Variants in BTK observed in about 807,000 individuals in gnomAD.
BTK encodes the protein Bruton tyrosine kinase, also known as tyrosine-protein kinase BTK.
BTK carries 5 observed loss-of-function variants against 57.4 expected under a neutral mutation model. The ratio of observed to expected loss-of-function variants is 0.09; its 90% CI spans 0.05 to 0.18. The LOEUF is 0.18. BTK is among the 10% of genes least tolerant of loss of function. BTK has a pLI of 1.00. For synonymous variants in BTK, 154 were observed against 174.3 expected (o/e 0.88, Z 0.92); for missense variants, 194 against 501.2 (o/e 0.39, Z 5.85).
At chrX:101,367,517 T>C (rs1411408266) in intron 5 of BTK, among the ~76,000 whole-genome samples, 1 of 108,255 alleles carries the variant, frequency 9.2e-6, no homozygotes, top group African/African-American at 3.4e-5. Flanking sequence ...GCGCCTGTCA[T>C]CCCAACTACT....
chrX:101,363,887 CATTATTATT>C (rs72240121), intron 5 of BTK, among the ~76,000 whole-genome samples: 10,704 of 81,695 alleles, frequency 0.13, 830 homozygotes, highest in African/African-American at 0.27. Context: ...GAATCCCGCA[CATTATTATT>C]ATTATTATTA....
intron 1 of BTK, among the ~76,000 whole-genome samples, chrX:101,380,520 T>C (rs188284119): frequency 9.0e-6 from 1 of 111,574 alleles, no homozygotes; most frequent in Non-Finnish European, 1.9e-5. Context: ...AATTGTGCCA[T>C]ATTGCCTCAC....
intron 5 of BTK, 121 bp downstream of exon 5, chrX:101,369,877 C>T (rs191932399): frequency 4.4e-5 from 28 of 631,454 alleles, no homozygotes; most frequent in African/African-American, 4.4e-4. Context: ...TTTCTCTCTA[C>T]GTTTCTCCTT....
intron 1 of BTK, among the ~76,000 whole-genome samples, chrX:101,378,265 G>A (rs888620756): frequency 2.4e-4 from 26 of 110,564 alleles, no homozygotes; most frequent in Non-Finnish European, 4.2e-4. Flanking sequence ...TGTATTTTTA[G>A]TAGAGGTGGG....
intron 14 of BTK, 188 bp downstream of exon 14, chrX:101,356,596 C>T (rs184639772): frequency 7.5e-5 from 38 of 507,782 alleles, no homozygotes; most frequent in East Asian, 6.1e-4. Context: ...CACCACTATT[C>T]TCAACCAATA....
chrX:101,354,465 A>G (rs1926398257), intron 16 of BTK, among the ~76,000 whole-genome samples, 165 bp downstream of exon 16: 1 of 111,795 alleles, frequency 8.9e-6, no homozygotes, highest in Non-Finnish European at 1.9e-5. Flanking sequence ...AGGATGAAAG[A>G]GGTGGCTTAA....
intron 1 of BTK, among the ~76,000 whole-genome samples, chrX:101,381,417 A>G (rs902805789): frequency 2.1e-4 from 24 of 111,860 alleles, no homozygotes; most frequent in African/African-American, 7.8e-4. Context: ...ATGTGGTAGA[A>G]TTATCAACTA....
chrX:101,354,792 C>T (rs1353928334), intron 15 of BTK, 98 bp from the exon 16 acceptor site: 1 of 839,997 alleles, frequency 1.2e-6, no homozygotes, highest in South Asian at 2.0e-5. Context: ...AGGGAAGCTT[C>T]ATCTCCTTCG....
At chrX:101,382,129 C>T (rs890630861) in intron 1 of BTK, among the ~76,000 whole-genome samples, 7 of 109,657 alleles carry the variant, frequency 6.4e-5, no homozygotes, top group African/African-American at 2.3e-4. Context: ...TGTTCGGGCC[C>T]CAGTGAAACC....
chrX:101,350,036 G>T, intron 18 of BTK, 80 bp from the exon 19 acceptor site: 2 of 648,963 alleles, frequency 3.1e-6, no homozygotes, highest in Non-Finnish European at 4.9e-6. Context: ...AGCAGCAAAT[G>T]TTTATTAAAT....
At chrX:101,358,972 T>C in intron 10 of BTK, among the ~76,000 whole-genome samples, 1 of 111,242 alleles carries the variant, frequency 9.0e-6, no homozygotes, top group Non-Finnish European at 1.9e-5. Context: ...ACCCCGTCTC[T>C]GCTAAAAATA....
At chrX:101,377,308 C>T (rs1333763716) in intron 1 of BTK, among the ~76,000 whole-genome samples, 1 of 111,577 alleles carries the variant, frequency 9.0e-6, no homozygotes, top group Non-Finnish European at 1.9e-5. Flanking sequence ...TTCTCAGGAA[C>T]TACCAACTCA....
At chrX:101,374,924 C>A (rs1237532720) in intron 2 of BTK, among the ~76,000 whole-genome samples, 1 of 111,747 alleles carries the variant, frequency 8.9e-6, no homozygotes, top group African/African-American at 3.3e-5. Context: ...CTCATCAATT[C>A]CAAGATTCCA....
At chrX:101,375,785 A>T (rs1198878460) in intron 1 of BTK, among the ~76,000 whole-genome samples, 2 of 111,952 alleles carry the variant, frequency 1.8e-5, no homozygotes, top group African/African-American at 6.5e-5. Context: ...GACGGTGAAT[A>T]TAATTTTTCA....
At position 101,361,827 on chromosome X, in the gene BTK, G is replaced by A. The variant is rs180940291; in HGVS notation, c.588+346C>T. ...GGAGAATCACTTGAATCTGGGAGGC[G>A]GAGGTTGCAGTGAGCCGAGATCATG... On this transcript the variant is annotated intron_variant, in intron 7 of 18. Transcript: ENST00000308731. Among the ~76,000 whole-genome samples, 474 of 112,026 alleles carry A rather than the reference G, an allele frequency of 4.2e-3. 3 individuals are homozygous for A. The highest frequency in any genetic ancestry group is 6.9e-3 in the Non-Finnish European group (369 of 53,204).
chrX:101,356,344 G>A, intron 14 of BTK, 76 bp from the exon 15 acceptor site: 1 of 873,407 alleles, frequency 1.1e-6, no homozygotes, highest in Non-Finnish European at 1.7e-6. Flanking sequence ...GGAGGAAGGG[G>A]CTGACCTAGG....
chrX:101,350,887 G>A (rs1926265566), intron 18 of BTK, among the ~76,000 whole-genome samples: 1 of 112,389 alleles, frequency 8.9e-6, no homozygotes, highest in Non-Finnish European at 1.9e-5. Flanking sequence ...CCTTGACTCA[G>A]TGATTCTTAA....
intron 5 of BTK, among the ~76,000 whole-genome samples, chrX:101,365,867 G>T (rs1213352226): frequency 8.9e-6 from 1 of 112,285 alleles, no homozygotes; most frequent in East Asian, 2.8e-4. Context: ...AGGGCCCACT[G>T]CCATATTTAA....
At chrX:101,365,324 C>T (rs1327573818) in intron 5 of BTK, among the ~76,000 whole-genome samples, 1 of 112,035 alleles carries the variant, frequency 8.9e-6, no homozygotes, top group Non-Finnish European at 1.9e-5. Flanking sequence ...ATAAACTAAG[C>T]TTGCTAATAC....
Sources: gnomAD v4.1 joint callset for allele counts (sites outside exome capture counted in the v4.1 genomes callset) on GRCh38, gnomAD v4.1.1 for gene constraint, MANE v1.5 for transcripts, NCBI Gene and HGNC (gene_info 2026-07-23, HGNC 2026-07-21) for gene names.